RALYL: variants seen among roughly 807,000 people sequenced by gnomAD.
The protein encoded by RALYL is RNA-binding Raly-like protein.
Under a neutral mutation model 35.1 loss-of-function variants are expected in RALYL, and 29 were observed. That is an observed-to-expected ratio of 0.83 (90% confidence interval 0.61 to 1.13). RALYL has a LOEUF of 1.13. Among genes scored for constraint, RALYL ranks in the 50% most tolerant of loss-of-function variants. The pLI is 0.00. For synonymous variants in RALYL, 120 were observed against 127.6 expected (o/e 0.94, Z 0.40); for missense variants, 359 against 360.4 (o/e 1.00, Z 0.03).
At chr8:84,310,567 G>T (rs1842578539) in intron 1 of RALYL, among the ~76,000 whole-genome samples, 1 of 151,746 alleles carries the variant, frequency 6.6e-6, no homozygotes, top group African/African-American at 2.4e-5. Context: ...GGAAGGAAGG[G>T]ACGAAGGGAC....
chr8:84,311,091 ATG>A (rs1408362911), intron 1 of RALYL, among the ~76,000 whole-genome samples: 21 of 117,104 alleles, frequency 1.8e-4, no homozygotes, highest in East Asian at 3.0e-4. Context: ...AAAAAAAAAA[ATG>A]TATATTAATG....
At chr8:84,905,700 A>AT (rs35284071) in intron 8 of RALYL, among the ~76,000 whole-genome samples, 11,669 of 142,912 alleles carry the variant, frequency 0.082, 781 homozygotes, top group African/African-American at 0.17. Flanking sequence ...TATGAATACT[A>AT]TTTTTTTTTT....
At chr8:84,749,603 G>T (rs1311189312) in intron 2 of RALYL, among the ~76,000 whole-genome samples, 1 of 152,130 alleles carries the variant, frequency 6.6e-6, no homozygotes, top group African/African-American at 2.4e-5. Flanking sequence ...TCAGTTGAAT[G>T]AGTCAGACAA....
chr8:84,284,142 T>C (rs1020431133), intron 1 of RALYL, among the ~76,000 whole-genome samples: 2 of 152,166 alleles, frequency 1.3e-5, no homozygotes, highest in Admixed American at 6.5e-5. Context: ...ATTCCTGTAT[T>C]ATGATAAACT....
At chr8:84,745,920 A>T (rs757516675) in intron 2 of RALYL, among the ~76,000 whole-genome samples, 2 of 152,026 alleles carry the variant, frequency 1.3e-5, no homozygotes, top group Non-Finnish European at 2.9e-5. Flanking sequence ...GTTCAGCCAG[A>T]TTGATGCAAG....
At chr8:84,226,024 T>C (rs1056948071) in intron 1 of RALYL, among the ~76,000 whole-genome samples, 1 of 152,208 alleles carries the variant, frequency 6.6e-6, no homozygotes, top group Non-Finnish European at 1.5e-5. Flanking sequence ...TCCCTGGCTG[T>C]GGACCAGTAC....
chr8:84,774,516 A>G, intron 2 of RALYL, 63 bp from the exon 3 acceptor site: 1 of 1,050,840 alleles, frequency 9.5e-7, no homozygotes, highest in East Asian at 2.6e-5. Context: ...AAAGTTCATG[A>G]TTTACTTTTC....
chr8:84,772,774 A>G (rs1815868306), intron 2 of RALYL, among the ~76,000 whole-genome samples: 1 of 152,078 alleles, frequency 6.6e-6, no homozygotes, highest in Admixed American at 6.6e-5. Flanking sequence ...GCAATTAGTG[A>G]CAGTTTTATT....
At chr8:84,298,209 T>G (rs892321023) in intron 1 of RALYL, among the ~76,000 whole-genome samples, 1 of 151,972 alleles carries the variant, frequency 6.6e-6, no homozygotes, top group Non-Finnish European at 1.5e-5. Context: ...TTGATTTTTG[T>G]GGATGGTGAA....
At chr8:84,228,764 G>A (rs1437821711) in intron 1 of RALYL, among the ~76,000 whole-genome samples, 1 of 152,160 alleles carries the variant, frequency 6.6e-6, no homozygotes, top group African/African-American at 2.4e-5. Flanking sequence ...GACACCTACG[G>A]TCATGGCAGA....
chr8:84,490,061 G>A (rs955035400), intron 1 of RALYL, among the ~76,000 whole-genome samples: 7 of 150,220 alleles, frequency 4.7e-5, no homozygotes, highest in Admixed American at 1.3e-4. Flanking sequence ...AATAGTGGAA[G>A]TCAGAGTGCT....
At chr8:84,207,820 G>A (rs866576441) in intron 1 of RALYL, among the ~76,000 whole-genome samples, 544 of 146,080 alleles carry the variant, frequency 3.7e-3, no homozygotes, top group Middle Eastern at 7.1e-3. Flanking sequence ...GTGTGTGTGT[G>A]TATATATATA....
intron 1 of RALYL, among the ~76,000 whole-genome samples, chr8:84,377,451 GTTTTT>G (rs369746268): frequency 1.2e-5 from 1 of 83,720 alleles, no homozygotes; most frequent in African/African-American, 4.5e-5. Context: ...AAGGTTAACT[GTTTTT>G]TTTTTTTTTT....
intron 1 of RALYL, chr8:84,184,757 C>T (rs1172057137): frequency 2.9e-5 from 13 of 450,160 alleles, no homozygotes; most frequent in Non-Finnish European, 3.9e-5. Flanking sequence ...CCGGCGGGCC[C>T]TGTAAGTTCT....
At chr8:84,460,338 A>G (rs2050615320) in intron 1 of RALYL, among the ~76,000 whole-genome samples, 1 of 151,656 alleles carries the variant, frequency 6.6e-6, no homozygotes, top group Non-Finnish European at 1.5e-5. Context: ...TACAAATTTC[A>G]CCTCCAGGTA....
At chr8:84,649,231 GC>G (rs1330333466) in intron 2 of RALYL, among the ~76,000 whole-genome samples, 1 of 152,010 alleles carries the variant, frequency 6.6e-6, no homozygotes, top group Non-Finnish European at 1.5e-5. Context: ...TTTTTAGGTT[GC>G]CTGTTCACTC....
At chr8:84,662,599 A>C (rs1017824462) in intron 2 of RALYL, among the ~76,000 whole-genome samples, 26 of 152,170 alleles carry the variant, frequency 1.7e-4, no homozygotes, top group Non-Finnish European at 3.7e-4. Context: ...GTCTGAGCTT[A>C]TAATTGTTTA....
chr8:84,877,084 A>G (rs1841289501), intron 7 of RALYL, among the ~76,000 whole-genome samples: 1 of 152,184 alleles, frequency 6.6e-6, no homozygotes, highest in Admixed American at 6.6e-5. Context: ...GGTTTTCCTT[A>G]CACTGAGCTA....
rs1400831675 is a variant in RALYL, at chr8:84,424,444, C to T, written c.-23-104855C>T. ...CTCTGTATTGGTTATTCTAGTTATA[C>T]ATTCTTCTAAATTTTTTTCAAAGTT... On this transcript the variant is annotated intron_variant, in intron 1 of 8. Coordinates refer to ENST00000521268, the MANE Select transcript of RALYL (RefSeq NM_173848.7). 2.9e-5 allele frequency among the ~76,000 whole-genome samples: 4 copies of T among 138,062 alleles called. 1 individual carries two copies. The highest frequency in any genetic ancestry group is 1.2e-4 in the African/African-American group (4 of 33,044). The allele number at this position is 138,062 out of a possible 152,430, so 90.6% of individuals were successfully genotyped here. A position where few individuals can be genotyped will look rare whatever the true frequency, so the allele number is the denominator to read the frequency against.
Sources: allele counts gnomAD v4.1 joint callset (sites outside exome capture counted in the v4.1 genomes callset), GRCh38; gene constraint gnomAD v4.1.1; transcripts MANE v1.5; gene names NCBI Gene and HGNC (gene_info 2026-07-23, HGNC 2026-07-21).